The following THUMPD2 variants were observed in gnomAD, a reference collection of about 807,000 sequenced individuals.
The protein encoded by THUMPD2 is THUMP domain 2 tRNA and snRNA guanosine methyltransferase.
Under a neutral mutation model 49.4 loss-of-function variants are expected in THUMPD2, and 56 were observed. The observed-to-expected ratio is 1.13, with a 90% CI of 0.91 to 1.41. The LOEUF (loss-of-function observed/expected upper bound fraction) is 1.41. THUMPD2 is among the 40% of genes most tolerant of loss of function. The probability of loss-of-function intolerance (pLI) is 0.00; values close to 1 mark genes in which losing one functional copy is unlikely to be tolerated. For synonymous variants in THUMPD2, 237 were observed against 205.2 expected (o/e 1.15, Z -1.32); for missense variants, 709 against 594.5 (o/e 1.19, Z -2.00).
intron 9 of THUMPD2, among the ~76,000 whole-genome samples, chr2:39,737,960 G>A (rs973099419): frequency 3.3e-5 from 5 of 152,158 alleles, no homozygotes; most frequent in African/African-American, 1.2e-4. Flanking sequence ...ACGTGCTGAT[G>A]TACCTAAGGA....
At chr2:39,752,807 T>C (rs1224740254) in intron 8 of THUMPD2, among the ~76,000 whole-genome samples, 2 of 152,162 alleles carry the variant, frequency 1.3e-5, no homozygotes, top group Non-Finnish European at 2.9e-5. Flanking sequence ...GTTTAAAAAA[T>C]TGTAATAAAA....
intron 9 of THUMPD2, among the ~76,000 whole-genome samples, chr2:39,743,197 T>A (rs954134250): frequency 2.0e-5 from 3 of 152,200 alleles, no homozygotes; most frequent in Non-Finnish European, 4.4e-5. Flanking sequence ...ATTATTTACA[T>A]AGCAGGCTCT....
Position 39,761,223 on chromosome 2 carries a change from G to A in THUMPD2, c.891+108C>T, listed in dbSNP as rs942196061. On this transcript the variant is annotated intron_variant, in intron 6 of 9. Coordinates refer to ENST00000505747, the MANE Select transcript of THUMPD2 (RefSeq NM_025264.5). ...AAAGAAAAGAAGTTAAAGAAAAAGCGTCAAGAAAAGAAAAAGCAAGTAACA... is the reference window on the plus strand; with the variant it reads ...AAAGAAAAGAAGTTAAAGAAAAAGCATCAAGAAAAGAAAAAGCAAGTAACA... 389 of 952,344 alleles carry A rather than the reference G, an allele frequency of 4.1e-4. 2 individuals carry two copies. In the East Asian group the frequency reaches 9.0e-3, roughly 22 times the overall value. 59.0% of individuals were successfully genotyped at this position (952,344 alleles called of 1,614,324 possible). A position where few individuals can be genotyped will look rare whatever the true frequency, so the allele number is the denominator to read the frequency against.
chr2:39,769,846 G>A lies in THUMPD2; in HGVS notation c.536C>T (p.Thr179Ile). The change falls in exon 3 of 10, where the codon ACT becomes ATT. Residue 179 changes from threonine (T) to isoleucine (I), a missense_variant. Coordinates refer to ENST00000505747, the MANE Select transcript of THUMPD2 (RefSeq NM_025264.5). ...EETLEQRDFT[T>I]KSEKFQEEEF... ...TTCTTCTTGAAACTTTTCGCTTTTA[G>A]TGGTAAAATCTCTTTGCTCCAGAGT... 2 of 1,612,168 alleles carry A rather than the reference G, an allele frequency of 1.2e-6. No individual in the cohort carries two copies. Among genetic ancestry groups the A allele is most frequent in the Non-Finnish European group, 1.7e-6 (2 of 1,179,352 alleles).
At chr2:39,777,894 G>A (rs1417555895) in intron 1 of THUMPD2, among the ~76,000 whole-genome samples, 2 of 152,010 alleles carry the variant, frequency 1.3e-5, no homozygotes, top group African/African-American at 2.4e-5. Context: ...CATATTAATT[G>A]GGCCAAGCTC....
intron 8 of THUMPD2, chr2:39,744,755 C>G (rs1197311824): frequency 8.9e-6 from 2 of 225,588 alleles, no homozygotes; most frequent in Non-Finnish European, 8.6e-6. Context: ...ACTCAATTCT[C>G]TAAATATATA....
chr2:39,744,064 G>C (rs1286595836), intron 9 of THUMPD2, among the ~76,000 whole-genome samples: 4 of 150,314 alleles, frequency 2.7e-5, no homozygotes, highest in African/African-American at 7.3e-5. Context: ...TTTTGTGAGG[G>C]ATGGAAGCAA....
chr2:39,769,636 A>T, intron 3 of THUMPD2, 74 bp downstream of exon 3: 1 of 1,396,612 alleles, frequency 7.2e-7, no homozygotes, highest in South Asian at 1.7e-5. Context: ...TGGGAGGTGG[A>T]GGTTGCAGTG....
At position 39,755,390 on chromosome 2, in the gene THUMPD2, G is replaced by C. The variant is rs772932964; in HGVS notation, c.983C>G (p.Ala328Gly). 39 of 1,566,070 alleles carry C rather than the reference G, an allele frequency of 2.5e-5. No homozygotes were observed. The Middle Eastern group carries it at 5.0e-4, about 20-fold the overall frequency. ...TAGTAACTGTGAGTCGCTGACATCAGCACCTACATAATACACATCCTATGG... is the reference window on the plus strand; with the variant it reads ...TAGTAACTGTGAGTCGCTGACATCACCACCTACATAATACACATCCTATGG... ...KEWPDVYYVG[A>G]DVSDSQLLGT... Residue 328 changes from alanine to glycine, a missense_variant, in exon 8 of 10, where the codon GCT becomes GGT. Coordinates refer to ENST00000505747, the MANE Select transcript of THUMPD2 (RefSeq NM_025264.5).
At chr2:39,746,072 T>C (rs1018078780) in intron 8 of THUMPD2, among the ~76,000 whole-genome samples, 4 of 152,228 alleles carry the variant, frequency 2.6e-5, no homozygotes, top group Admixed American at 6.5e-5. Flanking sequence ...GAACACGGCC[T>C]GGCACAAAGT....
At chr2:39,753,380 C>A (rs1675675334) in intron 8 of THUMPD2, among the ~76,000 whole-genome samples, 1 of 152,146 alleles carries the variant, frequency 6.6e-6, no homozygotes, top group African/African-American at 2.4e-5. Flanking sequence ...GTTCCTTTAC[C>A]AGATGCTCAC....
At chr2:39,744,739 C>T (rs1187282073) in intron 8 of THUMPD2, 3 of 243,192 alleles carry the variant, frequency 1.2e-5, no homozygotes, top group Non-Finnish European at 2.3e-5. Flanking sequence ...TTACATTAGC[C>T]AGAAAACTCA....
At chr2:39,769,471 G>A (rs112100715) in intron 3 of THUMPD2, 4 of 376,106 alleles carry the variant, frequency 1.1e-5, no homozygotes, top group African/African-American at 8.3e-5. Context: ...GGAGGCCGAG[G>A]TGGTTGGATC....
At chr2:39,764,834 T>A (rs541565032) in intron 5 of THUMPD2, among the ~76,000 whole-genome samples, 7 of 152,324 alleles carry the variant, frequency 4.6e-5, no homozygotes, top group African/African-American at 1.7e-4. Context: ...GCATCTGTTG[T>A]AACCTCATTT....
rs766516225 is a variant in THUMPD2 at position 39,769,838 on chromosome 2, C to T, written c.544G>A (p.Glu182Lys). ...LEQRDFTTKS[E>K]KFQEEEFQND... is the part of the protein sequence containing the mutation. ...TGAAATTCTTCTTCTTGAAACTTTT[C>T]GCTTTTAGTGGTAAAATCTCTTTGC... The change falls in exon 3 of 10, where the codon GAA (glutamate) becomes AAA (lysine). Residue 182 changes from glutamate (E) to lysine (K), a missense_variant. By Grantham distance (56) the Glu-to-Lys change is moderately conservative. Transcript: ENST00000505747. The T allele has an allele frequency of 1.9e-5, 30 of 1,612,262 alleles. No homozygotes were observed. The highest frequency in any genetic ancestry group is 1.7e-4 in the Admixed American group (10 of 59,660).
chr2:39,769,886 G>T lies in THUMPD2; in HGVS notation c.496C>A (p.Gln166Lys), dbSNP rs770450039. The change falls in exon 3 of 10, where the codon CAA (glutamine) becomes AAA (lysine). Residue 166 changes from glutamine to lysine, a missense_variant. Transcript: ENST00000505747. Reference sequence around the variant, plus strand: ...TGCTCCAGAGTTTCTTCTTTTATTTGTTTTTCCAGCTGGCAGTCCCTATTC... The same window carrying T: ...TGCTCCAGAGTTTCTTCTTTTATTTTTTTTTCCAGCTGGCAGTCCCTATTC... ...EENRDCQLEK[Q>K]IKEETLEQRD... The T allele has an allele frequency of 6.3e-7, 1 of 1,598,254 alleles. No individual in the cohort carries two copies. Among genetic ancestry groups the T allele is most frequent in the Non-Finnish European group, 8.5e-7 (1 of 1,175,778 alleles).
intron 1 of THUMPD2, among the ~76,000 whole-genome samples, chr2:39,777,032 G>A (rs1439377230): frequency 6.6e-6 from 1 of 152,162 alleles, no homozygotes; most frequent in Non-Finnish European, 1.5e-5. Flanking sequence ...ATTTTAGAGT[G>A]TTAATTTCCT....
intron 1 of THUMPD2, among the ~76,000 whole-genome samples, chr2:39,774,930 C>A (rs1432804006): frequency 6.6e-6 from 1 of 152,178 alleles, no homozygotes; most frequent in Non-Finnish European, 1.5e-5. Flanking sequence ...CATATCTAAA[C>A]AGCATTTTTC....
At chr2:39,753,015 C>T (rs1675621423) in intron 8 of THUMPD2, among the ~76,000 whole-genome samples, 1 of 152,092 alleles carries the variant, frequency 6.6e-6, no homozygotes, top group Non-Finnish European at 1.5e-5. Flanking sequence ...CTCCTTCCTC[C>T]GTCATGCCAA....
Sources: allele counts gnomAD v4.1 joint callset (sites outside exome capture counted in the v4.1 genomes callset), GRCh38; gene constraint gnomAD v4.1.1; transcripts MANE v1.5; gene names NCBI Gene and HGNC (gene_info 2026-07-23, HGNC 2026-07-21).